Variants in SCOC observed in about 807,000 individuals in gnomAD.
The protein encoded by SCOC is short coiled-coil protein.
SCOC carries 7 observed loss-of-function variants against 9.9 expected under a neutral mutation model. The ratio of observed to expected loss-of-function variants is 0.71; its 90% CI spans 0.40 to 1.33. The LOEUF is 1.33. Among genes scored for constraint, SCOC ranks in the 40% most tolerant of loss-of-function variants. The pLI, the probability that SCOC is intolerant of heterozygous loss-of-function variation, is 0.01. For synonymous variants in SCOC, 19 were observed against 28.2 expected (o/e 0.67, Z 1.03); for missense variants, 66 against 89.7 (o/e 0.74, Z 1.07).
chr4:140,325,996 A>G (rs1257983815), intron 1 of SCOC, among the ~76,000 whole-genome samples: 1 of 152,218 alleles, frequency 6.6e-6, no homozygotes, highest in Non-Finnish European at 1.5e-5. Context: ...ATTGCTCAAC[A>G]ATAAAAATGA....
At chr4:140,278,571 T>G (rs1379702804) in intron 1 of SCOC, among the ~76,000 whole-genome samples, 1 of 152,170 alleles carries the variant, frequency 6.6e-6, no homozygotes, top group Non-Finnish European at 1.5e-5. Context: ...AGTGCTGGGA[T>G]TACAGGTGAA....
At chr4:140,343,919 T>A (rs973600662) in intron 2 of SCOC, among the ~76,000 whole-genome samples, 2 of 146,676 alleles carry the variant, frequency 1.4e-5, no homozygotes, top group African/African-American at 4.9e-5. Flanking sequence ...TGTCATTATA[T>A]AACATGTACT....
chr4:140,351,155 A>C (rs556120805), intron 2 of SCOC, among the ~76,000 whole-genome samples: 136 of 151,204 alleles, frequency 9.0e-4, no homozygotes, highest in Admixed American at 2.5e-3. Flanking sequence ...GCGCCATTGC[A>C]CTCCAGCCTG....
At chr4:140,373,330 C>G (rs985015344), upstream of SCOC, 1 of 1,408,502 alleles carries the variant, frequency 7.1e-7, no homozygotes, top group Admixed American at 3.1e-5. Context: ...CTGGGATTCT[C>G]ACTCCAATTC....
intron 1 of SCOC, among the ~76,000 whole-genome samples, chr4:140,260,087 G>A (rs1730598361): frequency 1.3e-5 from 2 of 152,182 alleles, no homozygotes; most frequent in South Asian, 4.1e-4. Context: ...TGAGCACTCA[G>A]CAAACACTGT....
intron 1 of SCOC, among the ~76,000 whole-genome samples, chr4:140,263,000 A>T (rs943724416): frequency 1.3e-5 from 2 of 152,118 alleles, no homozygotes; most frequent in Non-Finnish European, 2.9e-5. Flanking sequence ...TCGAGATGAG[A>T]TTTGGGTGGG....
intron 1 of SCOC, among the ~76,000 whole-genome samples, chr4:140,278,599 A>G (rs1223485814): frequency 2.0e-5 from 3 of 152,016 alleles, no homozygotes; most frequent in South Asian, 2.1e-4. Flanking sequence ...TTATAAGGGC[A>G]TTCATCCTTC....
chr4:140,379,035 T>C, intron 1 of SCOC, 86 bp from the exon 2 acceptor site: 1 of 822,800 alleles, frequency 1.2e-6, no homozygotes, highest in South Asian at 1.4e-5. Context: ...TACTATGTCA[T>C]AGTTAACAAA....
intron 1 of SCOC, among the ~76,000 whole-genome samples, chr4:140,292,934 A>T (rs186268662): frequency 1.1e-4 from 17 of 152,332 alleles, no homozygotes; most frequent in African/African-American, 4.1e-4. Flanking sequence ...CTGTGTTGGC[A>T]GCTCAGCTGT....
At chr4:140,329,751 T>C (rs1383275239) in intron 1 of SCOC, among the ~76,000 whole-genome samples, 2 of 152,114 alleles carry the variant, frequency 1.3e-5, no homozygotes, top group Admixed American at 6.6e-5. Flanking sequence ...CGCAATGCAA[T>C]ACCACCTCGC....
rs564308944 is a variant in SCOC at position 140,304,848 on chromosome 4, G to A, written c.-18-38773G>A. On this transcript the variant is annotated intron_variant, in intron 1 of 4. Transcript: ENST00000394205. ...TGCCCTTTATTCCTGATCCAGAACC[G>A]ATTTGAGGTTGACATAAGTACCCCT... Among the ~76,000 whole-genome samples the A allele has an allele frequency of 4.1e-4, 62 of 152,302 alleles. 1 individual carries two copies. The highest frequency in any genetic ancestry group is 1.1e-3 in the African/African-American group (44 of 41,556).
chr4:140,331,237 G>C lies in SCOC; in HGVS notation c.-18-12384G>C, dbSNP rs76062931. Among the ~76,000 whole-genome samples the C allele has an allele frequency of 4.1e-3, 632 of 152,290 alleles. 5 individuals carry two copies. Among genetic ancestry groups the C allele is most frequent in the Middle Eastern group, 0.01 (3 of 294 alleles). ...CCACCTCTCTTCTGCCAATCAGAATGTTGACCCAGGTTCTTCCTGTAGAAA... is the reference window on the plus strand; with the variant it reads ...CCACCTCTCTTCTGCCAATCAGAATCTTGACCCAGGTTCTTCCTGTAGAAA... On this transcript the variant is annotated intron_variant, in intron 1 of 4. Coordinates refer to the SCOC transcript ENST00000394205.
upstream of SCOC, among the ~76,000 whole-genome samples, chr4:140,371,155 G>T (rs185076661): frequency 7.0e-3 from 1,064 of 152,216 alleles, 9 homozygotes; most frequent in African/African-American, 0.022. Flanking sequence ...AAAGTGCTGG[G>T]ATTACAGCCG....
intron 1 of SCOC, among the ~76,000 whole-genome samples, chr4:140,315,541 CA>C (rs1732291890): frequency 1.3e-5 from 2 of 152,182 alleles, no homozygotes; most frequent in South Asian, 4.1e-4. Context: ...ACATCTCATC[CA>C]ATTTCTTGAC....
chr4:140,355,309 C>T (rs1384720938), intron 2 of SCOC, among the ~76,000 whole-genome samples: 1 of 149,240 alleles, frequency 6.7e-6, no homozygotes, highest in Non-Finnish European at 1.5e-5. Flanking sequence ...CTCTTAGGTG[C>T]ATAATGATAA....
chr4:140,264,052 T>C (rs1578752558), intron 1 of SCOC, among the ~76,000 whole-genome samples: 1 of 152,106 alleles, frequency 6.6e-6, no homozygotes, highest in Non-Finnish European at 1.5e-5. Context: ...TAGGCTGGAG[T>C]GCAGTGGTAC....
intron 2 of SCOC, chr4:140,366,167 C>A: frequency 1.9e-6 from 1 of 529,526 alleles, no homozygotes; most frequent in Admixed American, 6.2e-5. Context: ...TCTTGGGTGC[C>A]TCCTTTTCTT....
At chr4:140,341,388 C>G (rs1017631250), upstream of SCOC, among the ~76,000 whole-genome samples, 3 of 152,176 alleles carry the variant, frequency 2.0e-5, no homozygotes, top group African/African-American at 7.2e-5. Flanking sequence ...AGCCAGAGGG[C>G]AAGAAGTCCA....
In SCOC at chr4:140,315,564, G is replaced by C. The variant is rs367754441; in HGVS notation, c.-18-28057G>C. Among the ~76,000 whole-genome samples, 74 of 152,274 alleles carry C rather than the reference G, an allele frequency of 4.9e-4. 3 individuals carry two copies. In the South Asian group the frequency reaches 0.012, roughly 26 times the overall value. On this transcript the variant is annotated intron_variant, in intron 1 of 4. Coordinates refer to the SCOC transcript ENST00000394205. Reference sequence around the variant, plus strand: ...TCCAATTTCTTGACAGGATATTTCTGTTCCCAGTGATTTATTCTATTAGTA... The same window carrying C: ...TCCAATTTCTTGACAGGATATTTCTCTTCCCAGTGATTTATTCTATTAGTA...
Sources: allele counts gnomAD v4.1 joint callset (sites outside exome capture counted in the v4.1 genomes callset), GRCh38; gene constraint gnomAD v4.1.1; transcripts MANE v1.5; gene names NCBI Gene and HGNC (gene_info 2026-07-23, HGNC 2026-07-21).